Variants in GPC6 observed in about 807,000 individuals in gnomAD.
GPC6 encodes glypican 6, also known as glypican-6.
GPC6 carries 14 observed loss-of-function variants against 55.2 expected under a neutral mutation model. The observed-to-expected ratio is 0.25, with a 90% CI of 0.17 to 0.40. GPC6 has a LOEUF of 0.40. GPC6 is among the 10% of genes least tolerant of loss of function. GPC6 has a pLI of 1.00. For synonymous variants in GPC6, 278 were observed against 259.6 expected (o/e 1.07, Z -0.68); for missense variants, 641 against 708.5 (o/e 0.90, Z 1.08).
chr13:93,862,689 C>G lies in GPC6; in HGVS notation c.711+32144C>G, dbSNP rs189664694. On this transcript the variant is annotated intron_variant, in intron 3 of 8. Coordinates refer to ENST00000377047, the MANE Select transcript of GPC6 (RefSeq NM_005708.5). ...TATATTGGACAAGTGGGATTAGTTGCCACTGTATATAAAGGAGCAAATCCC... is the reference window on the plus strand; with the variant it reads ...TATATTGGACAAGTGGGATTAGTTGGCACTGTATATAAAGGAGCAAATCCC... 2.0e-3 allele frequency among the ~76,000 whole-genome samples: 311 copies of G among 151,708 alleles called. 2 individuals carry two copies. The highest frequency in any genetic ancestry group is 7.3e-3 in the African/African-American group (303 of 41,452).
chr13:93,967,006 A>G (rs1434116286), intron 3 of GPC6, among the ~76,000 whole-genome samples: 2 of 152,128 alleles, frequency 1.3e-5, no homozygotes, highest in African/African-American at 4.8e-5. Context: ...ATAGATTTAA[A>G]CAGTCTCTCC....
At chr13:94,364,462 A>G (rs915702674) in intron 6 of GPC6, among the ~76,000 whole-genome samples, 7 of 152,194 alleles carry the variant, frequency 4.6e-5, no homozygotes, top group African/African-American at 1.7e-4. Context: ...TAGTCCCCCA[A>G]TGCCATATGT....
At chr13:94,029,223 G>A (rs377340880) in intron 4 of GPC6, among the ~76,000 whole-genome samples, 1 of 152,184 alleles carries the variant, frequency 6.6e-6, no homozygotes, top group East Asian at 1.9e-4. Context: ...GCTTAGAAAG[G>A]CCAGAGGAAA....
At chr13:94,277,126 A>G (rs1892239215) in intron 4 of GPC6, among the ~76,000 whole-genome samples, 1 of 152,214 alleles carries the variant, frequency 6.6e-6, no homozygotes, top group Admixed American at 6.5e-5. Context: ...AGCAATTGTC[A>G]TTCTGACTGG....
intron 1 of GPC6, among the ~76,000 whole-genome samples, chr13:93,533,373 A>AG (rs778788050): frequency 1.3e-5 from 2 of 152,172 alleles, no homozygotes; most frequent in Non-Finnish European, 2.9e-5. Flanking sequence ...CTGTTTCCTT[A>AG]GGTGTGGTTA....
chr13:94,235,862 G>A (rs1460747197), intron 4 of GPC6, among the ~76,000 whole-genome samples: 1 of 152,066 alleles, frequency 6.6e-6, no homozygotes, highest in African/African-American at 2.4e-5. Context: ...TCAGAGATTC[G>A]CTGAGAATAT....
At chr13:93,882,592 G>C (rs1875062104) in intron 3 of GPC6, among the ~76,000 whole-genome samples, 1 of 151,898 alleles carries the variant, frequency 6.6e-6, no homozygotes, top group Admixed American at 6.6e-5. Context: ...GTATACATTA[G>C]AGATCATTTT....
chr13:93,891,423 A>G (rs1413006197), intron 3 of GPC6, among the ~76,000 whole-genome samples: 1 of 152,124 alleles, frequency 6.6e-6, no homozygotes, highest in Admixed American at 6.6e-5. Context: ...GACCTTGGCC[A>G]TGCAATATGC....
At chr13:93,268,605 T>C (rs1050339737) in intron 1 of GPC6, among the ~76,000 whole-genome samples, 11 of 152,120 alleles carry the variant, frequency 7.2e-5, no homozygotes, top group African/African-American at 2.7e-4. Flanking sequence ...AGTAGTGGAA[T>C]GCCTCCTCTA....
chr13:94,389,906 G>C (rs1163709624), intron 7 of GPC6, among the ~76,000 whole-genome samples: 2 of 152,230 alleles, frequency 1.3e-5, no homozygotes, highest in Non-Finnish European at 1.5e-5. Context: ...AGGCTATCAA[G>C]GAGCTGGCTG....
At chr13:93,617,823 A>G (rs556440556) in intron 2 of GPC6, among the ~76,000 whole-genome samples, 1 of 152,206 alleles carries the variant, frequency 6.6e-6, no homozygotes, top group East Asian at 1.9e-4. Context: ...GTTATAACAC[A>G]TGCCTTAATA....
chr13:94,227,824 A>T (rs1890605651), intron 4 of GPC6, among the ~76,000 whole-genome samples: 2 of 152,144 alleles, frequency 1.3e-5, no homozygotes, highest in African/African-American at 4.8e-5. Context: ...CATCTTGAAC[A>T]CTGCCAATCA....
intron 2 of GPC6, among the ~76,000 whole-genome samples, chr13:93,594,842 T>C (rs190510436): frequency 9.2e-5 from 14 of 151,454 alleles, no homozygotes; most frequent in Admixed American, 7.9e-4. Flanking sequence ...CTAGATCCCT[T>C]GGGCCTGTTT....
At chr13:93,739,240 A>G (rs560390885) in intron 2 of GPC6, among the ~76,000 whole-genome samples, 2 of 152,150 alleles carry the variant, frequency 1.3e-5, no homozygotes, top group African/African-American at 4.8e-5. Context: ...CAGACAATAG[A>G]TAAGAGAAGA....
intron 1 of GPC6, among the ~76,000 whole-genome samples, chr13:93,363,170 C>T (rs1197346198): frequency 1.5e-5 from 2 of 137,434 alleles, no homozygotes; most frequent in African/African-American, 2.8e-5. Context: ...TTTTAGGGTA[C>T]ATGCGTACAA....
intron 3 of GPC6, among the ~76,000 whole-genome samples, chr13:93,875,031 AAGAG>A (rs937467425): frequency 3.9e-5 from 6 of 152,042 alleles, no homozygotes; most frequent in Admixed American, 3.3e-4. Context: ...AAGTTCTCAA[AAGAG>A]AGAGAGAGAA....
rs74961821 is a variant in GPC6, at chr13:93,958,937, A to G, written c.712-68792A>G. Among the ~76,000 whole-genome samples the G allele has an allele frequency of 6.6e-3, 1,002 of 152,128 alleles. 12 individuals are homozygous for G. The highest frequency in any genetic ancestry group is 0.023 in the African/African-American group (935 of 41,502). ...AAAGTAATTCAGTTTCTTCGTGGCTATTGTAAATGGGATTGTGTTCTTGAT... is the reference window on the plus strand; with the variant it reads ...AAAGTAATTCAGTTTCTTCGTGGCTGTTGTAAATGGGATTGTGTTCTTGAT... On this transcript the variant is annotated intron_variant, in intron 3 of 8. Transcript: ENST00000377047.
At chr13:94,079,632 C>T (rs1019138643) in intron 4 of GPC6, among the ~76,000 whole-genome samples, 5 of 152,114 alleles carry the variant, frequency 3.3e-5, no homozygotes, top group Non-Finnish European at 5.9e-5. Context: ...AGTGTATGTC[C>T]CATGGTTGTA....
At chr13:93,635,992 C>T (rs1026703133) in intron 2 of GPC6, among the ~76,000 whole-genome samples, 3 of 152,014 alleles carry the variant, frequency 2.0e-5, no homozygotes, top group Non-Finnish European at 4.4e-5. Context: ...GGACAAAACT[C>T]GGCTCCACAT....
Sources: gnomAD v4.1 joint callset for allele counts (sites outside exome capture counted in the v4.1 genomes callset) on GRCh38, gnomAD v4.1.1 for gene constraint, MANE v1.5 for transcripts, NCBI Gene and HGNC (gene_info 2026-07-23, HGNC 2026-07-21) for gene names.